The following KIF21B variants were observed in gnomAD, a reference collection of about 807,000 sequenced individuals.
KIF21B encodes the protein kinesin family member 21B, also known as kinesin-like protein KIF21B.
KIF21B carries 85 observed loss-of-function variants against 192.9 expected under a neutral mutation model. The ratio of observed to expected loss-of-function variants is 0.44; its 90% CI spans 0.37 to 0.53. KIF21B has a LOEUF of 0.53. Ranked by LOEUF, KIF21B falls within the 20% of genes least tolerant of loss-of-function variation. KIF21B has a pLI of 0.00. For missense variants in KIF21B, 1,716 were observed against 2,194.8 expected (o/e 0.78, Z 4.36); for synonymous variants, 832 against 884.6 (o/e 0.94, Z 1.05).
At position 200,991,133 on chromosome 1, in the gene KIF21B, C is replaced by T. The variant is rs765068592; in HGVS notation, c.2471G>A (p.Arg824His). The change falls in exon 18 of 35, where the codon CGC becomes CAC. Residue 824 changes from arginine (R) to histidine (H), a missense_variant. Arg to His is a conservative substitution (Grantham distance 29, BLOSUM62 0). Coordinates refer to ENST00000461742, the MANE Select transcript of KIF21B (RefSeq NM_001252102.2). ...RKTQEVSALRRLAKPMSERVA... is the reference protein window; with the variant it reads ...RKTQEVSALRHLAKPMSERVA... ...CCGCTCAGACATGGGCTTGGCCAGGCGCCTCAGTGCAGAAACCTGGGGCAG... is the reference window on the plus strand; with the variant it reads ...CCGCTCAGACATGGGCTTGGCCAGGTGCCTCAGTGCAGAAACCTGGGGCAG... 9.9e-6 allele frequency: 16 copies of T among 1,613,102 alleles called. 1 individual carries two copies. The highest frequency in any genetic ancestry group is 2.7e-5 in the African/African-American group (2 of 74,914).
In KIF21B at chr1:201,005,549, T is replaced by C; in HGVS notation, c.593A>G (p.Glu198Gly). The C allele has an allele frequency of 6.2e-7, 1 of 1,612,924 alleles. No individual in the cohort carries two copies. The highest frequency in any genetic ancestry group is 8.5e-7 in the Non-Finnish European group (1 of 1,179,206). ...GVTSRLIHSQ[E>G]ELIQCLKQGA... The stretch of plus-strand genomic sequence containing the variant: ...AGACCTCCAGCAGAGGCTCACCTCC[T>C]CCTGGGAGTGGATGAGGCGAGAAGT... Residue 198 changes from glutamate (E) to glycine (G), a missense_variant, in exon 4 of 35, where the codon GAG (glutamate) becomes GGG (glycine). Around this residue, in one of 3 missense-constraint regions of KIF21B, gnomAD observed 1,087 missense variants for 1,316.6 expected, o/e 0.83. Transcript: ENST00000461742.
chr1:201,002,390 C>G, intron 8 of KIF21B, 40 bp from the exon 9 acceptor site: 1 of 1,590,416 alleles, frequency 6.3e-7, no homozygotes, highest in African/African-American at 1.3e-5. Flanking sequence ...GGCAGCAGAG[C>G]TCGCGGTTGG....
In KIF21B at chr1:201,023,362, A is replaced by G; in HGVS notation, c.22T>C (p.Cys8Arg). Residue 8 changes from cysteine to arginine, a missense_variant, in exon 1 of 35, where the codon TGC becomes CGC. Cys to Arg is a radical substitution (Grantham distance 180). Around this residue, in one of 3 missense-constraint regions of KIF21B, gnomAD observed 1,087 missense variants for 1,316.6 expected, o/e 0.83. Transcript: ENST00000461742. The surrounding 1 kb of genome is among the most constrained non-coding windows in gnomAD (Gnocchi z 5.9). MAGQGDC[C>R]VKVAVRIRPQ... Reference sequence around the variant, plus strand: ...CCCTACCTGACGGCCACCTTGACGCAGCAGTCCCCCTGGCCGGCCATGGCC... The same window carrying G: ...CCCTACCTGACGGCCACCTTGACGCGGCAGTCCCCCTGGCCGGCCATGGCC... The G allele has an allele frequency of 6.5e-7, 1 of 1,530,086 alleles. No individual in the cohort carries two copies. Among genetic ancestry groups the G allele is most frequent in the African/African-American group, 1.4e-5 (1 of 70,096 alleles). 94.8% of individuals were successfully genotyped at this position (1,530,086 alleles called of 1,614,324 possible).
chr1:201,005,826 C>T lies in KIF21B; in HGVS notation c.448-132G>A, dbSNP rs747129976. 20 of 929,992 alleles carry T rather than the reference C, an allele frequency of 2.2e-5. No individual in the cohort carries two copies. In the Admixed American group the frequency reaches 3.4e-4, roughly 16 times the overall value. The allele number at this position is 929,992 out of a possible 1,614,324, so 57.6% of individuals were successfully genotyped here. On this transcript the variant is annotated intron_variant, in intron 3 of 34. Transcript: ENST00000461742. ...TGTGGGTCCCCTCTGGGTTTTGAAT[C>T]CCATGACCTTTCTGCAGGACAGGGG...
At position 201,000,766 on chromosome 1, in the gene KIF21B, C is replaced by A; in HGVS notation, c.1417G>T (p.Ala473Ser). ...LLAKAGDGNE[A>S]IGALIQNYIR... ...TAGTTCTGGATCAGCGCACCAATGG[C>A]CTCATTGCCATCGCCTGGAGTGGGA... The change falls in exon 10 of 35, where the codon GCC (alanine) becomes TCC (serine). Residue 473 changes from alanine to serine, a missense_variant. Around this residue, in one of 3 missense-constraint regions of KIF21B, gnomAD observed 1,087 missense variants for 1,316.6 expected, o/e 0.83. Transcript: ENST00000461742. This position sits in a 1 kb window ranked among gnomAD's most constrained non-coding sequence, Gnocchi z 6.0. 6.2e-7 allele frequency: 1 copy of A among 1,614,210 alleles called. No homozygotes were observed. Among genetic ancestry groups the A allele is most frequent in the Non-Finnish European group, 8.5e-7 (1 of 1,180,014 alleles).
rs766869583 is a variant in KIF21B, at chr1:201,023,320, C to T, written c.41+23G>A. On this transcript the variant is annotated intron_variant, in intron 1 of 34. Transcript: ENST00000461742. The surrounding 1 kb of genome is among the most constrained non-coding windows in gnomAD (Gnocchi z 5.9). ...AAGCCCGAGGCTTCTCCGCGCGCCCCCTTCCCCGCCCCGGGTCCCTACCTG... is the reference window on the plus strand; with the variant it reads ...AAGCCCGAGGCTTCTCCGCGCGCCCTCTTCCCCGCCCCGGGTCCCTACCTG... 5.9e-6 allele frequency: 9 copies of T among 1,523,118 alleles called. No homozygotes were observed. The South Asian group carries it at 1.1e-4, about 19-fold the overall frequency. The allele number at this position is 1,523,118 out of a possible 1,614,324, so 94.4% of individuals were successfully genotyped here. A position where few individuals can be genotyped will look rare whatever the true frequency, so the allele number is the denominator to read the frequency against.
At position 201,000,936 on chromosome 1, in the gene KIF21B, C is replaced by T. The variant is rs1449509032; in HGVS notation, c.1403-156G>A. 3.3e-5 allele frequency among the ~76,000 whole-genome samples: 5 copies of T among 152,102 alleles called. No individual in the cohort carries two copies. The highest frequency in any genetic ancestry group is 2.1e-4 in the South Asian group (1 of 4,820). ...TAGCCTGACCAACATGGAGAAACCC[C>T]GTCTCTACTAAAAATACAAAATTAG... On this transcript the variant is annotated intron_variant, in intron 9 of 34. Transcript: ENST00000461742. The surrounding 1 kb of genome is among the most constrained non-coding windows in gnomAD (Gnocchi z 6.0).
chr1:200,981,183 CA>C, intron 28 of KIF21B, 87 bp from the exon 29 acceptor site: 1 of 1,426,188 alleles, frequency 7.0e-7, no homozygotes, highest in Non-Finnish European at 9.4e-7. Context: ...GGGATGGGGA[CA>C]GGGCAGGGAG....
chr1:200,974,699 C>T lies in KIF21B; in HGVS notation c.4814+15G>A. ...GATGAGGGAGCAGAGGCAGACCTCT[C>T]TGACCAGCACCCACCTGGAGGCTGT... is the stretch of plus-strand genomic sequence containing the variant. On this transcript the variant is annotated intron_variant, in intron 34 of 34. Coordinates refer to ENST00000461742, the MANE Select transcript of KIF21B (RefSeq NM_001252102.2). 1 of 1,613,986 alleles carries T rather than the reference C, an allele frequency of 6.2e-7. No individual in the cohort carries two copies. Among genetic ancestry groups the T allele is most frequent in the Non-Finnish European group, 8.5e-7 (1 of 1,179,834 alleles).
At position 201,002,343 on chromosome 1, in the gene KIF21B, C is replaced by T. The variant is rs373690387; in HGVS notation, c.1220G>A (p.Arg407Gln). Residue 407 changes from arginine (R) to glutamine (Q), a missense_variant, in exon 9 of 35, where the codon CGA (arginine) becomes CAA (glutamine). By Grantham distance (43) the Arg-to-Gln change is conservative. Transcript: ENST00000461742. ...CTCAGCGCCATCCTCTCCTATCACT[C>T]GCTTGCCCTGGGAGCAGGGGCAAAG... ...MELMEYKAGKRVIGEDGAEGY... is the reference protein window; with the variant it reads ...MELMEYKAGKQVIGEDGAEGY... 3.7e-6 allele frequency: 6 copies of T among 1,612,460 alleles called. No individual in the cohort carries two copies. The highest frequency in any genetic ancestry group is 2.2e-5 in the East Asian group (1 of 44,846).
At chr1:200,987,541 G>A (rs1438363103) in intron 24 of KIF21B, among the ~76,000 whole-genome samples, 1 of 152,134 alleles carries the variant, frequency 6.6e-6, no homozygotes, top group Non-Finnish European at 1.5e-5. Context: ...ACCACACCCA[G>A]CCCGCCCGGA....
intron 17 of KIF21B, 21 bp from the exon 18 acceptor site, chr1:200,991,170 G>C (rs1199108459): frequency 6.2e-7 from 1 of 1,601,862 alleles, no homozygotes; most frequent in African/African-American, 1.3e-5. Flanking sequence ...AGGGAGAAAA[G>C]AGGGAGCCGG....
intron 1 of KIF21B, among the ~76,000 whole-genome samples, chr1:201,014,250 C>T (rs1386341606): frequency 5.3e-5 from 8 of 152,254 alleles, no homozygotes; most frequent in African/African-American, 1.9e-4. Flanking sequence ...CAGGGACATG[C>T]GGGCGGCTGG....
rs937753306 is a variant in KIF21B, at chr1:200,973,558, C to T, written c.4835G>A (p.Trp1612Ter). Reference sequence around the variant, plus strand: ...GCTGTGGGGTAACCGCCGGACACTCCAGAACTTCACCGTCAGGTCACTGGG... The same window carrying T: ...GCTGTGGGGTAACCGCCGGACACTCTAGAACTTCACCGTCAGGTCACTGGG... ...TASSDLTVKF[W>*]SVRRLPHSGP... Residue 1612 changes from tryptophan to a stop codon, truncating the protein, a stop_gained, in exon 35 of 35, where the codon TGG becomes TAG. Transcript: ENST00000461742. LOFTEE classifies it high-confidence loss of function. The T allele has an allele frequency of 6.6e-7, 1 of 1,514,760 alleles. No individual in the cohort carries two copies. The highest frequency in any genetic ancestry group is 8.8e-7 in the Non-Finnish European group (1 of 1,140,398). 93.8% of individuals were successfully genotyped at this position (1,514,760 alleles called of 1,614,324 possible).
chr1:201,005,936 G>C (rs10920091), intron 3 of KIF21B, among the ~76,000 whole-genome samples: 2 of 152,140 alleles, frequency 1.3e-5, no homozygotes, highest in Non-Finnish European at 2.9e-5. Context: ...CCAGCAGCTC[G>C]GTCCCAGCAT....
At chr1:200,977,423 G>A in intron 30 of KIF21B, 47 bp from the exon 31 acceptor site, 1 of 1,596,818 alleles carries the variant, frequency 6.3e-7, no homozygotes, top group Non-Finnish European at 8.6e-7. Flanking sequence ...CAATCCATGT[G>A]CACAGTGCAG....
In KIF21B at chr1:200,973,149, G is replaced by A. The variant is rs922441527; in HGVS notation, c.*372C>T. On this transcript the variant is annotated 3_prime_UTR_variant, in exon 35 of 35. Transcript: ENST00000461742. Reference sequence around the variant, plus strand: ...GCCAGCTCCTCGGAAGGGTGGGATGGGGCCAGGCTGCTGCACCTCCCCACA... The same window carrying A: ...GCCAGCTCCTCGGAAGGGTGGGATGAGGCCAGGCTGCTGCACCTCCCCACA... The A allele has an allele frequency of 1.4e-5, 3 of 210,524 alleles. No individual in the cohort carries two copies. The highest frequency in any genetic ancestry group is 2.8e-5 in the Non-Finnish European group (3 of 106,586). 13.0% of individuals were successfully genotyped at this position (210,524 alleles called of 1,614,324 possible).
At chr1:200,974,507 C>T (rs549212555) in intron 34 of KIF21B, among the ~76,000 whole-genome samples, 4 of 152,070 alleles carry the variant, frequency 2.6e-5, no homozygotes, top group Non-Finnish European at 2.9e-5. Flanking sequence ...TACCTTCCTC[C>T]TCCCCTGCCT....
At chr1:201,006,975 CACAG>C (rs1335112195) in intron 3 of KIF21B, among the ~76,000 whole-genome samples, 9 of 143,420 alleles carry the variant, frequency 6.3e-5, no homozygotes, top group African/African-American at 2.4e-4. Context: ...GACACCCACT[CACAG>C]ACACAGAGAT....
Sources: gnomAD v4.1 joint callset for allele counts (sites outside exome capture counted in the v4.1 genomes callset) on GRCh38, gnomAD v4.1.1 for gene constraint, gnomAD v4.1.1 regional missense constraint, Gnocchi (gnomAD v3.1) non-coding constraint, MANE v1.5 for transcripts, NCBI Gene and HGNC (gene_info 2026-07-23, HGNC 2026-07-21) for gene names.